The following GNAQ variants were observed in gnomAD, a reference collection of about 807,000 sequenced individuals.
GNAQ encodes the protein guanine nucleotide-binding protein G(q) subunit alpha.
GNAQ carries 8 observed loss-of-function variants against 43.9 expected under a neutral mutation model. The observed-to-expected ratio is 0.18, with a 90% CI of 0.11 to 0.33. The LOEUF (loss-of-function observed/expected upper bound fraction) is 0.33, where lower values mean the gene tolerates loss of function less well. Among genes scored for constraint, GNAQ ranks in the 10% least tolerant of loss-of-function variants. The probability of loss-of-function intolerance (pLI) is 1.00; values close to 1 mark genes in which losing one functional copy is unlikely to be tolerated. For missense variants in GNAQ, 158 were observed against 450.8 expected, an observed-to-expected ratio of 0.35 and a Z score of 5.88; for synonymous variants, 155 against 170.7, an observed-to-expected ratio of 0.91 and a Z score of 0.71.
At chr9:77,823,313 A>G (rs1024339231) in intron 2 of GNAQ, among the ~76,000 whole-genome samples, 1 of 152,208 alleles carries the variant, frequency 6.6e-6, no homozygotes, top group African/African-American at 2.4e-5. Flanking sequence ...AGTAAGTTAT[A>G]TAATTTGTCA....
intron 1 of GNAQ, among the ~76,000 whole-genome samples, chr9:78,018,069 C>A (rs1208608430): frequency 6.6e-6 from 1 of 151,796 alleles, no homozygotes; most frequent in African/African-American, 2.4e-5. Flanking sequence ...TTCCATGAAT[C>A]TATTCTAACA....
chr9:77,816,504 C>A (rs1827018148), intron 2 of GNAQ, among the ~76,000 whole-genome samples: 1 of 152,056 alleles, frequency 6.6e-6, no homozygotes, highest in Non-Finnish European at 1.5e-5. Flanking sequence ...AATAAGATTG[C>A]AATGAAAATA....
At chr9:77,930,108 G>C (rs1322514602) in intron 1 of GNAQ, among the ~76,000 whole-genome samples, 4 of 152,178 alleles carry the variant, frequency 2.6e-5, no homozygotes, top group Non-Finnish European at 5.9e-5. Context: ...GAGTATCATA[G>C]AAATGTGATT....
At position 77,765,975 on chromosome 9, in the gene GNAQ, C is replaced by G. The variant is rs190740330; in HGVS notation, c.735+28488G>C. 7.3e-3 allele frequency among the ~76,000 whole-genome samples: 1,111 copies of G among 152,108 alleles called. 21 individuals carry two copies. Among genetic ancestry groups the G allele is most frequent in the African/African-American group, 0.025 (1,057 of 41,472 alleles). On this transcript the variant is annotated intron_variant, in intron 5 of 6. Transcript: ENST00000286548. ...ATGACATTATGCTAAGTAAAATAAGCCAGTCAAAAAAAGAACAAATACTGT... is the reference window on the plus strand; with the variant it reads ...ATGACATTATGCTAAGTAAAATAAGGCAGTCAAAAAAAGAACAAATACTGT...
intron 1 of GNAQ, 65 bp from the exon 2 acceptor site, chr9:77,922,410 C>A: frequency 2.6e-6 from 3 of 1,154,630 alleles, no homozygotes; most frequent in Non-Finnish European, 1.3e-6. Flanking sequence ...GATAACTAAA[C>A]CAAATACCAT....
At chr9:77,881,825 G>C (rs1828212406) in intron 2 of GNAQ, among the ~76,000 whole-genome samples, 1 of 152,210 alleles carries the variant, frequency 6.6e-6, no homozygotes, top group Admixed American at 6.5e-5. Flanking sequence ...GACTGAATCA[G>C]TTGCCAAGAA....
intron 1 of GNAQ, among the ~76,000 whole-genome samples, chr9:78,013,660 G>A (rs1356319627): frequency 6.6e-6 from 1 of 152,006 alleles, no homozygotes; most frequent in Non-Finnish European, 1.5e-5. Flanking sequence ...TTCTAAGTCT[G>A]GTATTGCTAA....
intron 2 of GNAQ, among the ~76,000 whole-genome samples, chr9:77,828,059 CAAAA>C (rs71360654): frequency 0.01 from 195 of 19,200 alleles, no homozygotes; most frequent in African/African-American, 0.039. Context: ...GACTCCTCCT[CAAAA>C]AAAAAAAAAA....
chr9:77,800,934 A>G (rs1368280560), intron 3 of GNAQ, among the ~76,000 whole-genome samples: 1 of 152,200 alleles, frequency 6.6e-6, no homozygotes. Flanking sequence ...TCCACTGGCA[A>G]GGCTGCTCAG....
intron 1 of GNAQ, among the ~76,000 whole-genome samples, chr9:77,932,733 A>T (rs890661483): frequency 6.6e-6 from 1 of 152,180 alleles, no homozygotes; most frequent in African/African-American, 2.4e-5. Flanking sequence ...ATATTTTAGG[A>T]AACAAGTTGG....
chr9:77,741,809 T>C (rs968643914), intron 5 of GNAQ, among the ~76,000 whole-genome samples: 5 of 152,206 alleles, frequency 3.3e-5, no homozygotes, highest in African/African-American at 4.8e-5. Flanking sequence ...AGACTAATAA[T>C]AGTCTGCATA....
chr9:77,875,275 G>T (rs571519907), intron 2 of GNAQ, among the ~76,000 whole-genome samples: 121 of 152,260 alleles, frequency 7.9e-4, no homozygotes, highest in African/African-American at 2.6e-3. Context: ...CAAACTAAAT[G>T]AACCTCTTTA....
intron 1 of GNAQ, among the ~76,000 whole-genome samples, chr9:77,948,690 A>G (rs1026669542): frequency 2.6e-5 from 4 of 152,110 alleles, no homozygotes; most frequent in African/African-American, 9.7e-5. Flanking sequence ...CCTATAAATA[A>G]CCCTGTGAGG....
At chr9:77,872,676 G>A (rs769312099) in intron 2 of GNAQ, among the ~76,000 whole-genome samples, 14 of 152,174 alleles carry the variant, frequency 9.2e-5, no homozygotes, top group Non-Finnish European at 1.9e-4. Flanking sequence ...TTTCACAGAT[G>A]TAAACGCTGA....
chr9:77,988,467 A>T (rs1020246405), intron 1 of GNAQ, among the ~76,000 whole-genome samples: 3 of 152,232 alleles, frequency 2.0e-5, no homozygotes, highest in Non-Finnish European at 4.4e-5. Flanking sequence ...TCAATGGAGC[A>T]CGTAATTGCT....
At chr9:77,804,878 T>G (rs1826802288) in intron 3 of GNAQ, among the ~76,000 whole-genome samples, 1 of 152,144 alleles carries the variant, frequency 6.6e-6, no homozygotes, top group South Asian at 2.1e-4. Flanking sequence ...CGAGGTCGAC[T>G]TCATTTAAAA....
intron 1 of GNAQ, among the ~76,000 whole-genome samples, chr9:77,951,688 G>A (rs766570400): frequency 6.6e-6 from 1 of 150,594 alleles, no homozygotes; most frequent in African/African-American, 2.5e-5. Flanking sequence ...CTTTAAGGAG[G>A]AGAGGCTGCA....
At chr9:77,784,556 T>G (rs1422288178) in intron 5 of GNAQ, among the ~76,000 whole-genome samples, 1 of 152,172 alleles carries the variant, frequency 6.6e-6, no homozygotes, top group African/African-American at 2.4e-5. Flanking sequence ...AAAATCTGCA[T>G]GCTAAAATAT....
intron 2 of GNAQ, among the ~76,000 whole-genome samples, chr9:77,819,867 A>C (rs1021638376): frequency 1.3e-5 from 2 of 151,802 alleles, no homozygotes; most frequent in Non-Finnish European, 2.9e-5. Flanking sequence ...TGCTGAGACA[A>C]GACTGCTGGT....
Sources: allele counts gnomAD v4.1 joint callset (sites outside exome capture counted in the v4.1 genomes callset), GRCh38; gene constraint gnomAD v4.1.1; transcripts MANE v1.5; gene names NCBI Gene and HGNC (gene_info 2026-07-23, HGNC 2026-07-21).